The following RAI1 variants were observed in gnomAD, a reference collection of about 807,000 sequenced individuals.
RAI1 encodes the protein retinoic acid induced 1.
In RAI1, 9 loss-of-function variants were observed where a neutral mutation model predicts 123.8. The ratio of observed to expected loss-of-function variants is 0.07; its 90% CI spans 0.04 to 0.13. The LOEUF (loss-of-function observed/expected upper bound fraction) is 0.13. Ranked by LOEUF, RAI1 falls within the 10% of genes least tolerant of loss-of-function variation. The pLI is 1.00. For missense variants in RAI1, 2,256 were observed against 2,545.8 expected (o/e 0.89, Z 2.45); for synonymous variants, 1,231 against 1,127.3 (o/e 1.09, Z -1.84).
intron 1 of RAI1, among the ~76,000 whole-genome samples, chr17:17,720,358 C>T (rs191722025): frequency 7.9e-5 from 12 of 152,262 alleles, no homozygotes; most frequent in Admixed American, 2.0e-4. Flanking sequence ...ACCATCCCAG[C>T]GAGGAGGGAG....
intron 2 of RAI1, among the ~76,000 whole-genome samples, chr17:17,788,251 C>T (rs2031894576): frequency 6.6e-6 from 1 of 152,080 alleles, no homozygotes; most frequent in South Asian, 2.1e-4. Context: ...TCCATCTGCC[C>T]GAAGCAGGCC....
At chr17:17,764,998 CCTA>C (rs1358339190) in intron 2 of RAI1, among the ~76,000 whole-genome samples, 2 of 152,212 alleles carry the variant, frequency 1.3e-5, no homozygotes, top group African/African-American at 4.8e-5. Context: ...ATTTCTCCCT[CCTA>C]CTTTTGATGA....
intron 2 of RAI1, among the ~76,000 whole-genome samples, chr17:17,747,587 G>C (rs1273286735): frequency 6.6e-6 from 1 of 152,158 alleles, no homozygotes; most frequent in Non-Finnish European, 1.5e-5. Context: ...ACACTCTGAG[G>C]TTAGGGGCTT....
intron 2 of RAI1, among the ~76,000 whole-genome samples, chr17:17,781,824 C>T (rs1013402901): frequency 1.3e-5 from 2 of 152,132 alleles, no homozygotes; most frequent in African/African-American, 4.8e-5. Context: ...GGGGCGGGGG[C>T]AGCGCCCCAC....
At chr17:17,694,478 A>G (rs763539080) in intron 1 of RAI1, among the ~76,000 whole-genome samples, 1 of 152,004 alleles carries the variant, frequency 6.6e-6, no homozygotes, top group Non-Finnish European at 1.5e-5. Flanking sequence ...CCGGGCCTCG[A>G]GGAAAGGCAT....
At position 17,797,955 on chromosome 17, in the gene RAI1, G is replaced by A. The variant is rs765240763; in HGVS notation, c.5007G>A (p.Thr1669=). The A allele has an allele frequency of 1.9e-5, 30 of 1,613,996 alleles. No individual in the cohort carries two copies. The highest frequency in any genetic ancestry group is 2.4e-5 in the Non-Finnish European group (28 of 1,180,022). The change falls in exon 3 of 6, where the codon ACG becomes ACA. Residue 1669 remains threonine (T), a synonymous_variant. Coordinates refer to ENST00000353383, the MANE Select transcript of RAI1 (RefSeq NM_030665.4). ...QPRPSLPLSS[T]MHLGPVVSKA... ...GGCCCTCCTTGCCCCTCTCCTCCAC[G>A]ATGCACTTGGGGCCTGTGGTTTCCA... is the stretch of plus-strand genomic sequence containing the variant.
rs1373745304 is a variant in RAI1, at chr17:17,800,902, A to G, written c.5565+2389A>G. ...TGCCGAGGGCTGGTTCCATAGCTCC[A>G]GGCGAGTCACGCATGCTCTGAGAAC... On this transcript the variant is annotated intron_variant, in intron 3 of 5. Coordinates refer to ENST00000353383, the MANE Select transcript of RAI1 (RefSeq NM_030665.4). This position sits in a 1 kb window ranked among gnomAD's most constrained non-coding sequence, Gnocchi z 4.7. Among the ~76,000 whole-genome samples the G allele has an allele frequency of 6.6e-6, 1 of 152,228 alleles. No homozygotes were observed. The highest frequency in any genetic ancestry group is 1.5e-5 in the Non-Finnish European group (1 of 68,038).
At chr17:17,760,150 A>G (rs2030628510) in intron 2 of RAI1, among the ~76,000 whole-genome samples, 1 of 152,168 alleles carries the variant, frequency 6.6e-6, no homozygotes, top group African/African-American at 2.4e-5. Flanking sequence ...CCTGGGGGAA[A>G]GACAGACAAG....
intron 1 of RAI1, among the ~76,000 whole-genome samples, chr17:17,707,192 C>T (rs1157775599): frequency 1.3e-5 from 2 of 152,188 alleles, no homozygotes; most frequent in Admixed American, 6.5e-5. Flanking sequence ...TACCTGTATT[C>T]TCAGCTACTC....
chr17:17,731,168 G>T (rs1422484977), intron 2 of RAI1, among the ~76,000 whole-genome samples: 2 of 152,224 alleles, frequency 1.3e-5, no homozygotes, highest in African/African-American at 4.8e-5. Context: ...AGCCTGAACC[G>T]GGTCAGCCTG....
intron 2 of RAI1, among the ~76,000 whole-genome samples, chr17:17,791,120 G>A (rs993026982): frequency 6.6e-6 from 1 of 152,130 alleles, no homozygotes; most frequent in Non-Finnish European, 1.5e-5. Flanking sequence ...GCAGGGGCTC[G>A]CCTCGTGGGA....
At chr17:17,785,197 T>C (rs1288807895) in intron 2 of RAI1, among the ~76,000 whole-genome samples, 4 of 152,200 alleles carry the variant, frequency 2.6e-5, no homozygotes, top group Admixed American at 6.5e-5. Context: ...CACTAGGGGC[T>C]CTGGAGGAGA....
intron 2 of RAI1, among the ~76,000 whole-genome samples, chr17:17,740,945 G>T (rs56265135): frequency 6.7e-6 from 1 of 150,326 alleles, no homozygotes; most frequent in Non-Finnish European, 1.5e-5. Context: ...CCTTGAACAG[G>T]GAGGCCGTGG....
chr17:17,711,684 G>C (rs575957826), intron 1 of RAI1, among the ~76,000 whole-genome samples: 2 of 152,346 alleles, frequency 1.3e-5, no homozygotes, highest in Non-Finnish European at 2.9e-5. Flanking sequence ...AGGGCTCCCA[G>C]AAAGTGTAGG....
intron 2 of RAI1, chr17:17,766,047 G>A (rs2030914113): frequency 6.6e-6 from 1 of 152,286 alleles, no homozygotes; most frequent in Non-Finnish European, 1.5e-5. Context: ...GTTCCGAGGT[G>A]CCCAGGCCAG....
intron 2 of RAI1, among the ~76,000 whole-genome samples, chr17:17,754,883 T>C (rs905854710): frequency 1.3e-4 from 20 of 152,160 alleles, no homozygotes; most frequent in African/African-American, 4.8e-4. Context: ...TCTACATTCA[T>C]TGGGTCCATT....
chr17:17,809,319 C>G lies in RAI1; in HGVS notation c.5660-71C>G. The G allele has an allele frequency of 7.2e-7, 1 of 1,382,626 alleles. No homozygotes were observed. The highest frequency in any genetic ancestry group is 1.2e-5 in the South Asian group (1 of 86,410). The allele number at this position is 1,382,626 out of a possible 1,614,324, so 85.6% of individuals were successfully genotyped here. A position where few individuals can be genotyped will look rare whatever the true frequency, so the allele number is the denominator to read the frequency against. ...GCGGGCAGTGCGGCTCCCCTCCTGGCTGCAGACAAAACCCCACAGCTGTGG... is the reference window on the plus strand; with the variant it reads ...GCGGGCAGTGCGGCTCCCCTCCTGGGTGCAGACAAAACCCCACAGCTGTGG... On this transcript the variant is annotated intron_variant, in intron 4 of 5. Transcript: ENST00000353383. The surrounding 1 kb of genome is among the most constrained non-coding windows in gnomAD (Gnocchi z 4.9).
chr17:17,790,656 A>T (rs1164628572), intron 2 of RAI1, among the ~76,000 whole-genome samples: 1 of 152,388 alleles, frequency 6.6e-6, no homozygotes, highest in East Asian at 1.9e-4. Context: ...AATGTTAATG[A>T]TATCCACAGG....
chr17:17,788,459 C>A (rs899111943), intron 2 of RAI1, among the ~76,000 whole-genome samples: 1 of 152,170 alleles, frequency 6.6e-6, no homozygotes, highest in African/African-American at 2.4e-5. Flanking sequence ...TTATTCATCA[C>A]CCACAACAGA....
Sources: allele counts gnomAD v4.1 joint callset (sites outside exome capture counted in the v4.1 genomes callset), GRCh38; gene constraint gnomAD v4.1.1; non-coding constraint Gnocchi (gnomAD v3.1); transcripts MANE v1.5; gene names NCBI Gene and HGNC (gene_info 2026-07-23, HGNC 2026-07-21).